PARPBP: variants seen among roughly 807,000 people sequenced by gnomAD.
The protein encoded by PARPBP is PARP1 binding protein.
PARPBP carries 52 observed loss-of-function variants against 50.0 expected under a neutral mutation model. The ratio of observed to expected loss-of-function variants is 1.04; its 90% CI spans 0.83 to 1.31. PARPBP has a LOEUF of 1.31. Among genes scored for constraint, PARPBP ranks in the 50% most tolerant of loss-of-function variants. The pLI is 0.00. For synonymous variants in PARPBP, 244 were observed against 232.1 expected (o/e 1.05, Z -0.47); for missense variants, 697 against 672.0 (o/e 1.04, Z -0.41).
At chr12:102,128,482 C>T (rs542035040) in intron 2 of PARPBP, among the ~76,000 whole-genome samples, 7 of 152,290 alleles carry the variant, frequency 4.6e-5, no homozygotes, top group Non-Finnish European at 7.4e-5. Flanking sequence ...CTGCCCACCT[C>T]GGCCTCCCAA....
At chr12:102,127,493 G>T (rs1222289643) in intron 2 of PARPBP, among the ~76,000 whole-genome samples, 2 of 151,886 alleles carry the variant, frequency 1.3e-5, no homozygotes, top group African/African-American at 4.8e-5. Flanking sequence ...GAGTTTATTA[G>T]AAAAGATTAA....
intron 2 of PARPBP, among the ~76,000 whole-genome samples, chr12:102,125,262 A>T (rs747172312): frequency 6.6e-6 from 1 of 152,218 alleles, no homozygotes. Context: ...GTACTGTAAG[A>T]TATTTAGTCT....
intron 6 of PARPBP, among the ~76,000 whole-genome samples, chr12:102,169,495 T>C (rs915868360): frequency 1.3e-5 from 2 of 152,208 alleles, no homozygotes; most frequent in African/African-American, 4.8e-5. Context: ...AACAAGAATC[T>C]GGGGCATATC....
intron 9 of PARPBP, among the ~76,000 whole-genome samples, chr12:102,191,887 A>T: frequency 6.6e-6 from 1 of 152,152 alleles, no homozygotes; most frequent in East Asian, 1.9e-4. Context: ...GTTGTTTAGT[A>T]CTTCAAAAGC....
In PARPBP at chr12:102,197,335, A is replaced by T. The variant is rs1358683529; in HGVS notation, c.*1044A>T. ...TTTATAGGAGAAAAAACACTTTCAG[A>T]TAAGAGGTGTTTGCTGGGATGGAAG... is the stretch of plus-strand genomic sequence containing the variant. On this transcript the variant is annotated 3_prime_UTR_variant, in exon 11 of 11. Coordinates refer to ENST00000327680, the MANE Select transcript of PARPBP (RefSeq NM_017915.5). 27 of 814,578 alleles carry T rather than the reference A, an allele frequency of 3.3e-5. No individual in the cohort carries two copies. The highest frequency in any genetic ancestry group is 4.3e-5 in the Non-Finnish European group (23 of 528,922). The allele number at this position is 814,578 out of a possible 1,614,324, so 50.5% of individuals were successfully genotyped here. A position where few individuals can be genotyped will look rare whatever the true frequency, so the allele number is the denominator to read the frequency against.
intron 6 of PARPBP, among the ~76,000 whole-genome samples, chr12:102,170,079 T>C (rs1156430510): frequency 6.6e-6 from 1 of 152,192 alleles, no homozygotes; most frequent in African/African-American, 2.4e-5. Flanking sequence ...ATCTTAGCTA[T>C]AGGTGGCTGC....
At chr12:102,136,548 G>GT (rs1341515347) in intron 2 of PARPBP, among the ~76,000 whole-genome samples, 1 of 152,108 alleles carries the variant, frequency 6.6e-6, no homozygotes, top group East Asian at 1.9e-4. Flanking sequence ...ATTTGTTTAC[G>GT]TAGCAGTCAC....
intron 2 of PARPBP, among the ~76,000 whole-genome samples, chr12:102,147,690 A>T (rs1336632256): frequency 6.6e-6 from 1 of 152,104 alleles, no homozygotes; most frequent in Non-Finnish European, 1.5e-5. Context: ...CATTGTGCAC[A>T]TGTACCCTAA....
intron 7 of PARPBP, 123 bp from the exon 8 acceptor site, chr12:102,178,469 A>G: frequency 1.9e-6 from 1 of 524,930 alleles, no homozygotes; most frequent in Non-Finnish European, 3.2e-6. Flanking sequence ...CACTTCTTAT[A>G]GCTGATGTTT....
chr12:102,155,188 CA>C (rs1886707720), intron 4 of PARPBP: 1 of 159,006 alleles, frequency 6.3e-6, no homozygotes. Flanking sequence ...GAGGCTGAGG[CA>C]GGGGAATTGC....
At chr12:102,126,585 G>A (rs1003231717) in intron 2 of PARPBP, among the ~76,000 whole-genome samples, 16 of 152,056 alleles carry the variant, frequency 1.1e-4, no homozygotes, top group African/African-American at 3.6e-4. Context: ...TCAGGAGTTC[G>A]AGTCCAGCCT....
chr12:102,125,928 A>G (rs1881922720), intron 2 of PARPBP, among the ~76,000 whole-genome samples: 1 of 152,180 alleles, frequency 6.6e-6, no homozygotes, highest in Admixed American at 6.5e-5. Context: ...TGAACCTTCA[A>G]TTTTTTGCCA....
At position 102,154,021 on chromosome 12, in the gene PARPBP, TC is replaced by T. The variant is rs1475046934; in HGVS notation, c.495+46del. ...AAATTAAAGCAGACTATAATCCCTT[TC>T]AAATCACTGAATTTGGTGGTACCTT... On this transcript the variant is annotated intron_variant, in intron 4 of 10. Transcript: ENST00000327680. 3 of 1,130,628 alleles carry T rather than the reference TC, an allele frequency of 2.7e-6. No homozygotes were observed. The East Asian group carries it at 7.1e-5, about 27-fold the overall frequency. The allele number at this position is 1,130,628 out of a possible 1,614,324, so 70.0% of individuals were successfully genotyped here.
At chr12:102,126,508 C>T (rs558942653) in intron 2 of PARPBP, among the ~76,000 whole-genome samples, 9 of 152,300 alleles carry the variant, frequency 5.9e-5, no homozygotes, top group East Asian at 3.9e-4. Flanking sequence ...CAGATGGGGC[C>T]GGGTGCTGTG....
chr12:102,126,613 C>A (rs1882034719), intron 2 of PARPBP, among the ~76,000 whole-genome samples: 1 of 152,034 alleles, frequency 6.6e-6, no homozygotes, highest in African/African-American at 2.4e-5. Context: ...TTGGTGAAAC[C>A]TTGTCTCTAT....
intron 3 of PARPBP, chr12:102,151,526 C>T (rs1364460651): frequency 1.5e-5 from 22 of 1,427,314 alleles, no homozygotes; most frequent in Non-Finnish European, 2.1e-5. Flanking sequence ...GGGTGGGTCC[C>T]TGATGCCTGC....
intron 2 of PARPBP, among the ~76,000 whole-genome samples, chr12:102,141,552 C>A (rs1196370099): frequency 6.6e-6 from 1 of 152,100 alleles, no homozygotes; most frequent in Non-Finnish European, 1.5e-5. Context: ...TTATTTTGCT[C>A]GTTAGTTGAT....
At chr12:102,128,554 C>T (rs1208191722) in intron 2 of PARPBP, among the ~76,000 whole-genome samples, 1 of 152,142 alleles carries the variant, frequency 6.6e-6, no homozygotes, top group African/African-American at 2.4e-5. Context: ...TTTTAACACA[C>T]CACTTGTAAG....
intron 9 of PARPBP, among the ~76,000 whole-genome samples, chr12:102,191,165 T>C (rs185149387): frequency 6.6e-6 from 1 of 152,278 alleles, no homozygotes; most frequent in East Asian, 1.9e-4. Context: ...AGACCATACA[T>C]ATAGTAAGTA....
Sources: gnomAD v4.1 joint callset for allele counts (sites outside exome capture counted in the v4.1 genomes callset) on GRCh38, gnomAD v4.1.1 for gene constraint, MANE v1.5 for transcripts, NCBI Gene and HGNC (gene_info 2026-07-23, HGNC 2026-07-21) for gene names.